The following COX5A variants were observed in gnomAD, a reference collection of about 807,000 sequenced individuals.
COX5A encodes the protein cytochrome c oxidase subunit 5A.
A neutral mutation model predicts 16.1 loss-of-function variants in COX5A; 6 were observed. The ratio of observed to expected loss-of-function variants is 0.37; its 90% CI spans 0.20 to 0.73. The LOEUF is 0.73. Ranked by LOEUF, COX5A falls within the 30% of genes least tolerant of loss-of-function variation. COX5A has a pLI of 0.50. For synonymous variants in COX5A, 73 were observed against 73.8 expected (o/e 0.99, Z 0.06); for missense variants, 159 against 194.9 (o/e 0.82, Z 1.10).
At chr15:74,934,039 G>A (rs1487742202) in intron 1 of COX5A, among the ~76,000 whole-genome samples, 2 of 152,128 alleles carry the variant, frequency 1.3e-5, no homozygotes, top group Admixed American at 1.3e-4. Context: ...AGGCAGGATC[G>A]CTTGATGCCA....
chr15:74,921,472 G>T (rs1245586445), intron 4 of COX5A, among the ~76,000 whole-genome samples: 1 of 150,304 alleles, frequency 6.7e-6, no homozygotes, highest in Non-Finnish European at 1.5e-5. Flanking sequence ...GCTCACACCT[G>T]TAAGCCCAGC....
chr15:74,920,224 C>T lies in COX5A; in HGVS notation c.*228G>A. On this transcript the variant is annotated 3_prime_UTR_variant, in exon 5 of 5. Coordinates refer to ENST00000322347, the MANE Select transcript of COX5A (RefSeq NM_004255.4). ...GGGCAGCAAAACCATGAAACCAATA[C>T]AGCACTTAATTTTCTGCTTATTAAT... The T allele has an allele frequency of 1.7e-6, 1 of 574,332 alleles. No homozygotes were observed. Among genetic ancestry groups the T allele is most frequent in the Admixed American group, 3.6e-5 (1 of 27,490 alleles). 35.6% of individuals were successfully genotyped at this position (574,332 alleles called of 1,614,324 possible).
In COX5A at chr15:74,937,905, G is replaced by A. The variant is rs1595864429; in HGVS notation, c.100+10C>T. 8 of 1,230,180 alleles carry A rather than the reference G, an allele frequency of 6.5e-6. No homozygotes were observed. The highest frequency in any genetic ancestry group is 4.1e-5 in the South Asian group (1 of 24,286). The allele number at this position is 1,230,180 out of a possible 1,614,324, so 76.2% of individuals were successfully genotyped here. A position where few individuals can be genotyped will look rare whatever the true frequency, so the allele number is the denominator to read the frequency against. On this transcript the variant is annotated intron_variant, in intron 1 of 4. Transcript: ENST00000322347. ...ACGAGGGCGCGGGCAGTGGCAAGCA[G>A]GGGCCTTACCCACGGCGGGGCCGGG... is the stretch of plus-strand genomic sequence containing the variant.
At chr15:74,936,975 T>A (rs543765238) in intron 1 of COX5A, among the ~76,000 whole-genome samples, 1 of 152,256 alleles carries the variant, frequency 6.6e-6, no homozygotes, top group East Asian at 1.9e-4. Context: ...GAAACGAGTT[T>A]CTGAGTTCTT....
intron 1 of COX5A, among the ~76,000 whole-genome samples, chr15:74,933,626 C>T (rs2065376635): frequency 6.6e-6 from 1 of 152,120 alleles, no homozygotes; most frequent in Non-Finnish European, 1.5e-5. Flanking sequence ...TAACTGAATA[C>T]TGAAAGTGCA....
chr15:74,932,261 C>T (rs1279853211), intron 1 of COX5A, among the ~76,000 whole-genome samples: 1 of 152,100 alleles, frequency 6.6e-6, no homozygotes, highest in East Asian at 1.9e-4. Context: ...ATCACATTTC[C>T]TACTACCTGT....
Position 74,926,875 on chromosome 15 carries a change from A to G in COX5A, c.230T>C (p.Leu77Pro). ...CTCTGGAACCATATCATAGGTAACA[A>G]GTGTGTTTATCCCTGCAAAATTAAA... Reference protein sequence around the residue: ...AWELRKGINTLVTYDMVPEPK... With the variant: ...AWELRKGINTPVTYDMVPEPK... Residue 77 changes from leucine to proline, a missense_variant, in exon 3 of 5, where the codon CTT (leucine) becomes CCT (proline). By Grantham distance (98) the Leu-to-Pro change is moderately conservative (BLOSUM62 -3). Transcript: ENST00000322347. The G allele has an allele frequency of 6.2e-7, 1 of 1,613,196 alleles. No individual in the cohort carries two copies. Among genetic ancestry groups the G allele is most frequent in the Non-Finnish European group, 8.5e-7 (1 of 1,179,648 alleles).
intron 2 of COX5A, 68 bp from the exon 3 acceptor site, chr15:74,926,955 T>C (rs930140908): frequency 3.5e-5 from 53 of 1,523,610 alleles, no homozygotes; most frequent in African/African-American, 4.2e-5. Context: ...GTTATTTATA[T>C]TTTTACTGAA....
In COX5A at chr15:74,935,449, C is replaced by T. The variant is rs555518551; in HGVS notation, c.100+2466G>A. ...GAGTCCCCAGACCAGCCTGTTTCTA[C>T]GGAAAATAAAACTGGTGGCGCACCC... On this transcript the variant is annotated intron_variant, in intron 1 of 4. Coordinates refer to ENST00000322347, the MANE Select transcript of COX5A (RefSeq NM_004255.4). 1.4e-3 allele frequency among the ~76,000 whole-genome samples: 215 copies of T among 151,220 alleles called. 1 individual carries two copies. Among genetic ancestry groups the T allele is most frequent in the Middle Eastern group, 3.4e-3 (1 of 294 alleles).
At chr15:74,921,547 T>C (rs2065321072) in intron 4 of COX5A, among the ~76,000 whole-genome samples, 1 of 150,658 alleles carries the variant, frequency 6.6e-6, no homozygotes, top group Non-Finnish European at 1.5e-5. Flanking sequence ...CTGGCCAACA[T>C]GGCGAAACCC....
At chr15:74,921,806 TTAAG>T (rs1016971518) in intron 4 of COX5A, among the ~76,000 whole-genome samples, 2 of 152,164 alleles carry the variant, frequency 1.3e-5, no homozygotes, top group Non-Finnish European at 2.9e-5. Flanking sequence ...CTAGTTTTCT[TTAAG>T]TACTCACAGA....
intron 1 of COX5A, among the ~76,000 whole-genome samples, chr15:74,933,808 T>C (rs2065377405): frequency 6.6e-6 from 1 of 152,198 alleles, no homozygotes; most frequent in African/African-American, 2.4e-5. Context: ...CAGTGCTTCA[T>C]GATAAGCAAT....
intron 4 of COX5A, 136 bp from the exon 5 acceptor site, chr15:74,920,578 C>T (rs2065315404): frequency 3.4e-6 from 2 of 587,188 alleles, no homozygotes; most frequent in Non-Finnish European, 5.9e-6. Context: ...TTAATCCTGC[C>T]TACTGTCAAC....
intron 4 of COX5A, 119 bp from the exon 5 acceptor site, chr15:74,920,561 C>T: frequency 1.6e-6 from 1 of 609,904 alleles, no homozygotes; most frequent in Non-Finnish European, 2.8e-6. Flanking sequence ...CCCTTTACTG[C>T]TCTTACTTAA....
intron 1 of COX5A, 121 bp downstream of exon 1, chr15:74,937,794 G>T: frequency 1.7e-6 from 1 of 599,514 alleles, no homozygotes; most frequent in Non-Finnish European, 2.4e-6. Flanking sequence ...CGCGGTCACC[G>T]GGTTCAGTAA....
intron 1 of COX5A, among the ~76,000 whole-genome samples, chr15:74,930,368 A>G (rs537532361): frequency 9.0e-4 from 134 of 148,086 alleles, no homozygotes; most frequent in African/African-American, 2.3e-3. Flanking sequence ...CAGTGAGCCA[A>G]GATTGTGCCA....
chr15:74,925,008 C>T (rs768466277), intron 3 of COX5A, among the ~76,000 whole-genome samples: 3 of 152,038 alleles, frequency 2.0e-5, no homozygotes, highest in Non-Finnish European at 4.4e-5. Flanking sequence ...TCCTTAGGAA[C>T]GAATAAGAAG....
intron 1 of COX5A, among the ~76,000 whole-genome samples, chr15:74,934,157 G>A (rs1227036938): frequency 6.6e-6 from 1 of 152,128 alleles, no homozygotes; most frequent in Non-Finnish European, 1.5e-5. Context: ...GCTGAGGCGG[G>A]AGGATCCCTT....
At chr15:74,920,498 C>A in intron 4 of COX5A, 56 bp from the exon 5 acceptor site, 5 of 674,650 alleles carry the variant, frequency 7.4e-6, no homozygotes, top group Non-Finnish European at 1.3e-5. Context: ...AAGTAGAAAT[C>A]TTTTAAAAAT....
Sources: gnomAD v4.1 joint callset for allele counts (sites outside exome capture counted in the v4.1 genomes callset) on GRCh38, gnomAD v4.1.1 for gene constraint, MANE v1.5 for transcripts, NCBI Gene and HGNC (gene_info 2026-07-23, HGNC 2026-07-21) for gene names.